EYS: variants seen among roughly 807,000 people sequenced by gnomAD.
The protein encoded by EYS is EGF-like photoreceptor maintenance factor.
Under a neutral mutation model 282.1 loss-of-function variants are expected in EYS, and 250 were observed. The observed-to-expected ratio is 0.89, with a 90% CI of 0.80 to 0.98. EYS has a LOEUF of 0.98. EYS is among the 50% of genes least tolerant of loss of function. EYS has a pLI of 0.00. For synonymous variants in EYS, 1,355 were observed against 1,282.9 expected, an observed-to-expected ratio of 1.06 and a Z score of -1.20; for missense variants, 4,016 against 3,709.0, an observed-to-expected ratio of 1.08 and a Z score of -2.15.
At chr6:63,849,878 C>T (rs1332995417) in intron 36 of EYS, among the ~76,000 whole-genome samples, 3 of 152,074 alleles carry the variant, frequency 2.0e-5, no homozygotes, top group African/African-American at 7.2e-5. Flanking sequence ...ACAAACTCGT[C>T]TGAGCTAAAG....
At chr6:64,158,343 G>C (rs1480653304) in intron 31 of EYS, among the ~76,000 whole-genome samples, 1 of 151,700 alleles carries the variant, frequency 6.6e-6, no homozygotes, top group African/African-American at 2.4e-5. Context: ...TGTAACTTCT[G>C]TTTTTTTCAT....
intron 1 of EYS, among the ~76,000 whole-genome samples, chr6:65,659,708 T>C (rs190740557): frequency 2.4e-3 from 363 of 151,602 alleles, no homozygotes; most frequent in African/African-American, 8.4e-3. Flanking sequence ...TTTCTATTTC[T>C]TTTTTTTGAC....
intron 22 of EYS, among the ~76,000 whole-genome samples, chr6:64,652,972 G>GA (rs1768616630): frequency 6.6e-6 from 1 of 152,160 alleles, no homozygotes; most frequent in South Asian, 2.1e-4. Flanking sequence ...CTGTCTCTCA[G>GA]AAAAGGATAT....
intron 33 of EYS, among the ~76,000 whole-genome samples, chr6:64,063,849 C>T (rs1771267710): frequency 6.6e-6 from 1 of 152,136 alleles, no homozygotes; most frequent in Admixed American, 6.5e-5. Flanking sequence ...CCCGCCTCAG[C>T]CTCCTGAGTA....
intron 26 of EYS, among the ~76,000 whole-genome samples, chr6:64,570,825 A>T (rs944421897): frequency 2.0e-5 from 3 of 152,162 alleles, no homozygotes; most frequent in Non-Finnish European, 4.4e-5. Context: ...ACTCCCATAC[A>T]ATAATGGTGG....
intron 12 of EYS, among the ~76,000 whole-genome samples, chr6:65,063,533 A>C (rs1773642970): frequency 6.6e-6 from 1 of 152,048 alleles, no homozygotes; most frequent in Admixed American, 6.6e-5. Context: ...TCAGAGCAGT[A>C]GCTCTTTCAC....
At chr6:64,342,908 A>G (rs1227395383) in intron 29 of EYS, among the ~76,000 whole-genome samples, 1 of 152,130 alleles carries the variant, frequency 6.6e-6, no homozygotes, top group Non-Finnish European at 1.5e-5. Flanking sequence ...TTGCAATCCT[A>G]GTCTTGGATA....
chr6:64,024,317 G>T (rs1582152542), intron 33 of EYS, among the ~76,000 whole-genome samples: 1 of 152,086 alleles, frequency 6.6e-6, no homozygotes, highest in Non-Finnish European at 1.5e-5. Flanking sequence ...TATGTATCTA[G>T]CTACTCTGGT....
rs369098368 is a variant in EYS, at chr6:65,528,574, C to T, written c.-332-32581G>A. Among the ~76,000 whole-genome samples, 4 of 152,194 alleles carry T rather than the reference C, an allele frequency of 2.6e-5. No individual in the cohort carries two copies. In the East Asian group the frequency reaches 5.8e-4, roughly 22 times the overall value. ...CCTCTTGCCGTCTCTCACCCTCTTG[C>T]CTTCTGCCATGTCATGGCCCAGCAA... On this transcript the variant is annotated intron_variant, in intron 2 of 42. Coordinates refer to ENST00000503581, the MANE Select transcript of EYS (RefSeq NM_001142800.2).
intron 22 of EYS, among the ~76,000 whole-genome samples, chr6:64,771,064 A>G (rs1279121037): frequency 6.6e-6 from 1 of 151,760 alleles, no homozygotes; most frequent in Non-Finnish European, 1.5e-5. Flanking sequence ...GAAACTTGCT[A>G]TTCCTTTGAT....
At chr6:64,796,404 T>C (rs1400302047) in intron 22 of EYS, among the ~76,000 whole-genome samples, 1 of 152,140 alleles carries the variant, frequency 6.6e-6, no homozygotes, top group African/African-American at 2.4e-5. Flanking sequence ...AGCAGTGTGT[T>C]CTAAAAACCC....
intron 35 of EYS, among the ~76,000 whole-genome samples, chr6:63,981,799 T>G (rs1369751089): frequency 6.6e-6 from 1 of 151,840 alleles, no homozygotes; most frequent in African/African-American, 2.4e-5. Context: ...AAATTTACCT[T>G]AAGTCCTGAA....
At chr6:63,838,195 T>C (rs1158818775) in intron 36 of EYS, among the ~76,000 whole-genome samples, 1 of 152,084 alleles carries the variant, frequency 6.6e-6, no homozygotes, top group African/African-American at 2.4e-5. Flanking sequence ...GTGGTGATAC[T>C]TGCTTCCAAC....
chr6:64,115,494 T>C (rs1419343630), intron 31 of EYS, among the ~76,000 whole-genome samples: 1 of 152,140 alleles, frequency 6.6e-6, no homozygotes, highest in Non-Finnish European at 1.5e-5. Flanking sequence ...CCAGCAGCCT[T>C]CACCACTAAA....
intron 5 of EYS, among the ~76,000 whole-genome samples, chr6:65,451,624 C>T (rs1032422632): frequency 6.6e-6 from 1 of 151,936 alleles, no homozygotes; most frequent in Non-Finnish European, 1.5e-5. Flanking sequence ...TTGGATTTGT[C>T]ATTAGCTTAA....
At chr6:65,606,499 T>G (rs1459716644) in intron 2 of EYS, among the ~76,000 whole-genome samples, 1 of 151,752 alleles carries the variant, frequency 6.6e-6, no homozygotes, top group Admixed American at 6.6e-5. Context: ...CATTCATGAG[T>G]TCAAAGAAGA....
chr6:64,224,807 C>T (rs1377404302), intron 31 of EYS, among the ~76,000 whole-genome samples: 1 of 151,322 alleles, frequency 6.6e-6, no homozygotes, highest in Non-Finnish European at 1.5e-5. Context: ...AAAATGTGCA[C>T]ACATGCTATG....
intron 5 of EYS, among the ~76,000 whole-genome samples, chr6:65,479,686 A>G (rs1209615638): frequency 6.6e-6 from 1 of 152,174 alleles, no homozygotes; most frequent in East Asian, 1.9e-4. Flanking sequence ...TTATAAACCT[A>G]AACAGAGGAC....
intron 22 of EYS, among the ~76,000 whole-genome samples, chr6:64,722,862 C>A (rs1354402745): frequency 6.6e-6 from 1 of 151,642 alleles, no homozygotes; most frequent in African/African-American, 2.4e-5. Context: ...ACCCCTTTTT[C>A]TTTCAAAAAG....
Sources: gnomAD v4.1 joint callset for allele counts (sites outside exome capture counted in the v4.1 genomes callset) on GRCh38, gnomAD v4.1.1 for gene constraint, MANE v1.5 for transcripts, NCBI Gene and HGNC (gene_info 2026-07-23, HGNC 2026-07-21) for gene names.